Variants in DNAH10 observed in about 807,000 individuals in gnomAD.
DNAH10 encodes dynein axonemal heavy chain 10.
Under a neutral mutation model 506.6 loss-of-function variants are expected in DNAH10, and 348 were observed. That is an observed-to-expected ratio of 0.69 (90% CI 0.63 to 0.75). DNAH10 has a LOEUF of 0.75. Among genes scored for constraint, DNAH10 ranks in the 30% least tolerant of loss-of-function variants. The pLI, the probability that DNAH10 is intolerant of heterozygous loss-of-function variation, is 0.00. For missense variants in DNAH10, 5,179 were observed against 5,787.1 expected (o/e 0.89, Z 3.41); for synonymous variants, 2,059 against 2,198.6 (o/e 0.94, Z 1.78).
chr12:123,847,882 C>T lies in DNAH10; in HGVS notation c.5815-79C>T, dbSNP rs1043313273. ...TCTTTCTCTATTCTGCACCTATAGT[C>T]ACAGTGATGAATTTGGAAATGACAC... On this transcript the variant is annotated intron_variant, in intron 32 of 78. Coordinates refer to ENST00000673944, the MANE Select transcript of DNAH10 (RefSeq NM_001372106.1). 8 of 1,520,504 alleles carry T rather than the reference C, an allele frequency of 5.3e-6. No individual in the cohort carries two copies. The African/African-American group carries it at 6.9e-5, about 13-fold the overall frequency. The allele number at this position is 1,520,504 out of a possible 1,614,324, so 94.2% of individuals were successfully genotyped here. A position where few individuals can be genotyped will look rare whatever the true frequency, so the allele number is the denominator to read the frequency against.
At chr12:123,851,640 G>T (rs1235447364) in intron 35 of DNAH10, among the ~76,000 whole-genome samples, 1 of 152,228 alleles carries the variant, frequency 6.6e-6, no homozygotes, top group Non-Finnish European at 1.5e-5. Flanking sequence ...ATTAACTCAG[G>T]TGTAGACGTT....
intron 51 of DNAH10, 124 bp from the exon 52 acceptor site, chr12:123,887,018 C>A: frequency 8.3e-7 from 1 of 1,208,784 alleles, no homozygotes; most frequent in Non-Finnish European, 1.1e-6. Flanking sequence ...CTTTCCTGAC[C>A]TACTTCCTCG....
rs772252358 is a variant in DNAH10 at position 123,935,433 on chromosome 12, T to C, written c.13722T>C (p.Ile4574=). The change falls in exon 79 of 79, where the codon ATT becomes ATC. Residue 4574 remains isoleucine, a synonymous_variant. Transcript: ENST00000673944. ...FEADLFTTRH[I]SHWVLQGVCL... is the part of the protein sequence containing the mutation. ...CTGATCTCTTTACCACGAGGCACATTTCTCACTGGGTGCTGCAAGGAGTAT... is the reference window on the plus strand; with the variant it reads ...CTGATCTCTTTACCACGAGGCACATCTCTCACTGGGTGCTGCAAGGAGTAT... The C allele has an allele frequency of 8.7e-6, 14 of 1,609,228 alleles. No homozygotes were observed. In the South Asian group the frequency reaches 1.5e-4, roughly 18 times the overall value.
chr12:123,861,600 G>A (rs1468384373), intron 39 of DNAH10, among the ~76,000 whole-genome samples: 1 of 152,224 alleles, frequency 6.6e-6, no homozygotes. Flanking sequence ...CCTGAGCCAC[G>A]GCTTTCCATC....
At chr12:123,877,425 C>T (rs1357572124) in intron 47 of DNAH10, among the ~76,000 whole-genome samples, 5 of 152,168 alleles carry the variant, frequency 3.3e-5, no homozygotes, top group Admixed American at 6.5e-5. Context: ...GATTCTCCTG[C>T]CTCAGCCTCC....
intron 5 of DNAH10, among the ~76,000 whole-genome samples, chr12:123,777,574 G>A (rs1957487575): frequency 6.6e-6 from 1 of 152,198 alleles, no homozygotes; most frequent in African/African-American, 2.4e-5. Context: ...TCCTTCATCG[G>A]GATGATGTCT....
intron 26 of DNAH10, among the ~76,000 whole-genome samples, chr12:123,831,971 A>G (rs1165243533): frequency 6.6e-6 from 1 of 152,168 alleles, no homozygotes; most frequent in Non-Finnish European, 1.5e-5. Flanking sequence ...CCACCATTAT[A>G]TATGAAATTC....
chr12:123,930,879 T>C (rs927451942), intron 73 of DNAH10, among the ~76,000 whole-genome samples: 43 of 152,048 alleles, frequency 2.8e-4, no homozygotes, highest in Admixed American at 6.6e-4. Flanking sequence ...TAGTGTAGAA[T>C]TTTTACATTA....
intron 40 of DNAH10, 32 bp downstream of exon 40, chr12:123,864,762 A>G (rs1951739821): frequency 6.3e-7 from 1 of 1,580,256 alleles, no homozygotes; most frequent in African/African-American, 1.4e-5. Flanking sequence ...ATTTGAACAT[A>G]AATCTTTCTT....
chr12:123,865,132 A>G (rs1360791984), intron 40 of DNAH10, among the ~76,000 whole-genome samples: 1 of 152,244 alleles, frequency 6.6e-6, no homozygotes, highest in African/African-American at 2.4e-5. Context: ...ATGAAGATAG[A>G]AATAATTTAC....
chr12:123,901,767 T>G (rs1356304131), intron 56 of DNAH10, among the ~76,000 whole-genome samples: 1 of 152,158 alleles, frequency 6.6e-6, no homozygotes, highest in African/African-American at 2.4e-5. Context: ...TTTAAGCGAT[T>G]CTCCTGCCTC....
chr12:123,867,861 G>T, intron 42 of DNAH10, 42 bp from the exon 43 acceptor site: 6 of 1,575,666 alleles, frequency 3.8e-6, no homozygotes, highest in Non-Finnish European at 5.2e-6. Flanking sequence ...CTCTGTGGGG[G>T]TGGACTATGT....
intron 19 of DNAH10, 101 bp downstream of exon 19, chr12:123,809,054 G>A (rs1958826401): frequency 7.2e-7 from 1 of 1,393,780 alleles, no homozygotes; most frequent in African/African-American, 1.4e-5. Flanking sequence ...GCCCAAGGTG[G>A]AATTCTTGAC....
rs117905946 is a variant in DNAH10 at position 123,889,757 on chromosome 12, G to A, written c.8995+2444G>A. On this transcript the variant is annotated intron_variant, in intron 52 of 78. Coordinates refer to ENST00000673944, the MANE Select transcript of DNAH10 (RefSeq NM_001372106.1). ...ACAGCACGGATTTATTCCCCTATGCGCCTGGAGGTCAGAAATCAGAAAAGG... is the reference window on the plus strand; with the variant it reads ...ACAGCACGGATTTATTCCCCTATGCACCTGGAGGTCAGAAATCAGAAAAGG... 9.5e-3 allele frequency among the ~76,000 whole-genome samples: 1,444 copies of A among 152,276 alleles called. 11 individuals carry two copies. The highest frequency in any genetic ancestry group is 0.015 in the Non-Finnish European group (993 of 68,026).
rs1313537640 is a variant in DNAH10 at position 123,790,136 on chromosome 12, C to T, written c.1815+15C>T. 1 of 1,612,322 alleles carries T rather than the reference C, an allele frequency of 6.2e-7. No homozygotes were observed. The highest frequency in any genetic ancestry group is 1.3e-5 in the African/African-American group (1 of 74,828). ...TTGAAGTTCTGGCAAGTGACACGTC[C>T]ATTGAGTCCATCTTGGGAGTCGACA... On this transcript the variant is annotated intron_variant, in intron 11 of 78. Coordinates refer to ENST00000673944, the MANE Select transcript of DNAH10 (RefSeq NM_001372106.1).
intron 5 of DNAH10, 103 bp downstream of exon 5, chr12:123,774,367 C>A: frequency 1.2e-6 from 1 of 863,530 alleles, no homozygotes; most frequent in Non-Finnish European, 1.8e-6. Flanking sequence ...GTCTCAGGTG[C>A]TGTTATGGGC....
chr12:123,794,663 T>C lies in DNAH10; in HGVS notation c.1986+551T>C, dbSNP rs1403737946. On this transcript the variant is annotated intron_variant, in intron 12 of 78. Transcript: ENST00000673944. ...GAGTTTGAGACCAGCCTAGGCAACA[T>C]AGCAAAACTCCATCTCTACAAAAAA... Among the ~76,000 whole-genome samples the C allele has an allele frequency of 2.7e-5, 4 of 150,170 alleles. No homozygotes were observed. In the East Asian group the frequency reaches 7.9e-4, roughly 30 times the overall value.
chr12:123,891,686 G>T (rs1219403326), intron 52 of DNAH10, among the ~76,000 whole-genome samples: 1 of 152,130 alleles, frequency 6.6e-6, no homozygotes, highest in Non-Finnish European at 1.5e-5. Context: ...GGAGTCTTGG[G>T]CTCCCTGCCA....
At chr12:123,863,757 C>T (rs1951694494) in intron 39 of DNAH10, among the ~76,000 whole-genome samples, 1 of 152,242 alleles carries the variant, frequency 6.6e-6, no homozygotes, top group African/African-American at 2.4e-5. Flanking sequence ...TTTCTCCAAA[C>T]AAGGTCACAG....
Sources: gnomAD v4.1 joint callset for allele counts (sites outside exome capture counted in the v4.1 genomes callset) on GRCh38, gnomAD v4.1.1 for gene constraint, MANE v1.5 for transcripts, NCBI Gene and HGNC (gene_info 2026-07-23, HGNC 2026-07-21) for gene names.